The following PCDHA2 variants were observed in gnomAD, a reference collection of about 807,000 sequenced individuals.
The protein encoded by PCDHA2 is protocadherin alpha 2.
A neutral mutation model predicts 66.0 loss-of-function variants in PCDHA2; 58 were observed. The observed-to-expected ratio is 0.88, with a 90% CI of 0.71 to 1.09. The LOEUF is 1.09. Among genes scored for constraint, PCDHA2 ranks in the 50% least tolerant of loss-of-function variants. PCDHA2 has a pLI of 0.00. For missense variants in PCDHA2, 1,267 were observed against 1,242.3 expected, an observed-to-expected ratio of 1.02 and a Z score of -0.30; for synonymous variants, 634 against 554.0, an observed-to-expected ratio of 1.14 and a Z score of -2.03.
At chr5:140,837,121 A>G (rs2150273262) in intron 1 of PCDHA2, 1 of 156,722 alleles carries the variant, frequency 6.4e-6, no homozygotes, top group East Asian at 1.9e-4. Context: ...GTTACCTAAT[A>G]TTTTATTCTA....
chr5:140,917,797 C>T (rs1174581148), intron 1 of PCDHA2, among the ~76,000 whole-genome samples: 2 of 151,940 alleles, frequency 1.3e-5, no homozygotes, highest in African/African-American at 4.8e-5. Flanking sequence ...GTTACTGTAG[C>T]CTTGCAGTAT....
At chr5:140,956,003 C>T (rs2153708657) in intron 1 of PCDHA2, among the ~76,000 whole-genome samples, 1 of 152,232 alleles carries the variant, frequency 6.6e-6, no homozygotes, top group East Asian at 1.9e-4. Flanking sequence ...ATTTTGTATC[C>T]TGAGACTTTG....
chr5:140,829,268 G>A (rs1194699670), intron 1 of PCDHA2: 17 of 1,614,092 alleles, frequency 1.1e-5, no homozygotes, highest in Non-Finnish European at 1.2e-5. Flanking sequence ...GACGCCTCAC[G>A]TCCCTTTCAA....
intron 1 of PCDHA2, chr5:140,858,122 G>A (rs2045205238): frequency 1.3e-6 from 2 of 1,597,922 alleles, no homozygotes; most frequent in Non-Finnish European, 1.7e-6. Flanking sequence ...GGTGGCCCTG[G>A]TGGATGTCAA....
chr5:140,850,673 G>T (rs2150493281), intron 1 of PCDHA2: 2 of 1,598,494 alleles, frequency 1.3e-6, no homozygotes, highest in African/African-American at 2.7e-5. Context: ...GCTCGGCGAT[G>T]CCCACCGAGG....
chr5:140,967,687 C>T (rs1173018126), intron 1 of PCDHA2: 1 of 1,614,094 alleles, frequency 6.2e-7, no homozygotes, highest in Non-Finnish European at 8.5e-7. Context: ...AGAGGCAGCT[C>T]TTCAGCATAG....
intron 1 of PCDHA2, chr5:140,821,671 C>T: frequency 2.3e-6 from 3 of 1,291,108 alleles, no homozygotes; most frequent in Non-Finnish European, 3.2e-6. Context: ...CCAAGAAGCT[C>T]AGAAAGGCGA....
chr5:140,834,339 C>T, intron 1 of PCDHA2: 1 of 1,501,080 alleles, frequency 6.7e-7, no homozygotes, highest in Non-Finnish European at 9.0e-7. Context: ...CCTATAAATT[C>T]GAAGGCAAGT....
At chr5:140,823,393 G>T in intron 1 of PCDHA2, 1 of 1,612,960 alleles carries the variant, frequency 6.2e-7, no homozygotes, top group Non-Finnish European at 8.5e-7. Flanking sequence ...GCGCGACGCG[G>T]GCGTGCCGCC....
rs1021153490 is a variant in PCDHA2, at chr5:140,795,492, G to A, written c.528G>A (p.Glu176=). 9.3e-6 allele frequency: 15 copies of A among 1,614,152 alleles called. No homozygotes were observed. Among genetic ancestry groups the A allele is most frequent in the Admixed American group, 1.7e-5 (1 of 60,020 alleles). Reference sequence around the variant, plus strand: ...TCTCCTACAAGCTCAGCTCCAGTGAGTTTTTCTTCCTAGATATACAGGCAA... The same window carrying A: ...TCTCCTACAAGCTCAGCTCCAGTGAATTTTTCTTCCTAGATATACAGGCAA... ...ALLSYKLSSS[E]FFFLDIQAND... is the part of the protein sequence containing the mutation. The change falls in exon 1 of 4, where the codon GAG becomes GAA. Residue 176 remains glutamate (E), a synonymous_variant. Transcript: ENST00000526136.
intron 1 of PCDHA2, chr5:140,928,178 G>A: frequency 6.2e-7 from 1 of 1,614,192 alleles, no homozygotes. Context: ...AGCACCCGAA[G>A]GACAATCACT....
intron 1 of PCDHA2, among the ~76,000 whole-genome samples, chr5:140,908,968 C>T (rs1201886997): frequency 6.6e-6 from 1 of 152,092 alleles, no homozygotes; most frequent in African/African-American, 2.4e-5. Flanking sequence ...TCTTGATAGG[C>T]CCCACTCCAC....
chr5:140,839,525 G>A (rs2150298665), intron 1 of PCDHA2, among the ~76,000 whole-genome samples: 9 of 151,898 alleles, frequency 5.9e-5, no homozygotes, highest in Admixed American at 1.3e-4. Context: ...AAGTTGCTGG[G>A]ACTATAGGCA....
At chr5:140,830,182 C>G (rs2150182524) in intron 1 of PCDHA2, 11 of 1,613,538 alleles carry the variant, frequency 6.8e-6, no homozygotes, top group Non-Finnish European at 8.5e-6. Flanking sequence ...TGGATGTCAA[C>G]GTGTACCTGA....
chr5:140,904,619 T>C (rs1554191627), intron 1 of PCDHA2, among the ~76,000 whole-genome samples: 1 of 152,126 alleles, frequency 6.6e-6, no homozygotes, highest in African/African-American at 2.4e-5. Context: ...GTTTTACTTT[T>C]AGTTCTTTAA....
chr5:140,804,596 A>G (rs891992121), intron 1 of PCDHA2: 1 of 152,416 alleles, frequency 6.6e-6, no homozygotes, highest in Non-Finnish European at 1.5e-5. Context: ...TGATAAGCCA[A>G]TGTTATAATG....
intron 1 of PCDHA2, among the ~76,000 whole-genome samples, chr5:140,881,159 T>A (rs1375537883): frequency 6.6e-6 from 1 of 152,188 alleles, no homozygotes; most frequent in Non-Finnish European, 1.5e-5. Context: ...AAAAGTAAGA[T>A]CCTCTTCCTC....
intron 3 of PCDHA2, among the ~76,000 whole-genome samples, chr5:141,008,308 TA>T (rs1554261716): frequency 6.6e-6 from 1 of 152,214 alleles, no homozygotes; most frequent in East Asian, 1.9e-4. Flanking sequence ...CCCTAAACTG[TA>T]ATTGAACATA....
intron 1 of PCDHA2, among the ~76,000 whole-genome samples, chr5:140,915,632 CT>C (rs782761734): frequency 6.2e-5 from 9 of 144,496 alleles, no homozygotes; most frequent in Non-Finnish European, 1.3e-4. Context: ...TTCTGTCTCT[CT>C]CTCTCTCTCT....
Sources: allele counts gnomAD v4.1 joint callset (sites outside exome capture counted in the v4.1 genomes callset), GRCh38; gene constraint gnomAD v4.1.1; transcripts MANE v1.5; gene names NCBI Gene and HGNC (gene_info 2026-07-23, HGNC 2026-07-21).